The following STAU2 variants were observed in gnomAD, a reference collection of about 807,000 sequenced individuals.
STAU2 encodes double-stranded RNA-binding protein Staufen homolog 2.
A neutral mutation model predicts 65.9 loss-of-function variants in STAU2; 20 were observed. The observed-to-expected ratio is 0.30, with a 90% CI of 0.21 to 0.44. The LOEUF (loss-of-function observed/expected upper bound fraction) is 0.44, where lower values mean the gene tolerates loss of function less well. Ranked by LOEUF, STAU2 falls within the 20% of genes least tolerant of loss-of-function variation. STAU2 has a pLI of 1.00. For synonymous variants in STAU2, 232 were observed against 233.9 expected, an observed-to-expected ratio of 0.99 and a Z score of 0.07; for missense variants, 558 against 683.9, an observed-to-expected ratio of 0.82 and a Z score of 2.05.
At chr8:73,453,389 G>C (rs948486135) in intron 13 of STAU2, among the ~76,000 whole-genome samples, 6 of 152,226 alleles carry the variant, frequency 3.9e-5, no homozygotes, top group Non-Finnish European at 7.3e-5. Context: ...ATTTGAGTAA[G>C]AATGTAAAAG....
intron 12 of STAU2, among the ~76,000 whole-genome samples, chr8:73,559,999 TTTC>T (rs776156616): frequency 1.3e-5 from 2 of 151,654 alleles, no homozygotes; most frequent in African/African-American, 2.4e-5. Flanking sequence ...TTGTTAGAGG[TTTC>T]TTCTTAAGAT....
chr8:73,543,455 T>G (rs1325855368), intron 13 of STAU2, among the ~76,000 whole-genome samples: 1 of 152,234 alleles, frequency 6.6e-6, no homozygotes, highest in Non-Finnish European at 1.5e-5. Flanking sequence ...TGTAGTTATC[T>G]CTGACACAAC....
At chr8:73,667,786 C>T (rs1434086839) in intron 6 of STAU2, among the ~76,000 whole-genome samples, 1 of 152,148 alleles carries the variant, frequency 6.6e-6, no homozygotes, top group Non-Finnish European at 1.5e-5. Flanking sequence ...GATGACCTCA[C>T]GAAAGTCCTT....
chr8:73,481,528 A>AAAAAAAAAACCAAAAAAAACC, intron 13 of STAU2, among the ~76,000 whole-genome samples: 1 of 145,354 alleles, frequency 6.9e-6, no homozygotes, highest in Non-Finnish European at 1.5e-5. Flanking sequence ...AAAAAAAAAA[A>AAAAAAAAAACCAAAAAAAACC]CACTTTTTTT....
chr8:73,676,200 C>T (rs984349738), intron 5 of STAU2, among the ~76,000 whole-genome samples: 1 of 152,150 alleles, frequency 6.6e-6, no homozygotes, highest in African/African-American at 2.4e-5. Context: ...CCCATCTACA[C>T]ACTGTGGAGT....
At chr8:73,577,391 C>T (rs1053564022) in intron 12 of STAU2, among the ~76,000 whole-genome samples, 3 of 149,230 alleles carry the variant, frequency 2.0e-5, no homozygotes, top group African/African-American at 7.4e-5. Flanking sequence ...TGCGCCACTG[C>T]ACTCCAGCCT....
chr8:73,695,686 A>G (rs1235290418), intron 4 of STAU2, among the ~76,000 whole-genome samples: 1 of 152,162 alleles, frequency 6.6e-6, no homozygotes, highest in Admixed American at 6.5e-5. Flanking sequence ...TACGCTGGAC[A>G]GCATTTCCGG....
chr8:73,649,623 A>T (rs1815673689), intron 6 of STAU2, among the ~76,000 whole-genome samples: 1 of 152,010 alleles, frequency 6.6e-6, no homozygotes, highest in Non-Finnish European at 1.5e-5. Flanking sequence ...AATAGGATTA[A>T]CAAACTCAAC....
At chr8:73,715,082 CAAA>C (rs1157510263) in intron 3 of STAU2, among the ~76,000 whole-genome samples, 1 of 83,842 alleles carries the variant, frequency 1.2e-5, no homozygotes, top group Non-Finnish European at 2.7e-5. Flanking sequence ...GACTCCGTCT[CAAA>C]AAAAAAAAAA....
At chr8:73,427,730 C>CCAAT (rs1211913327) in intron 13 of STAU2, among the ~76,000 whole-genome samples, 1 of 152,240 alleles carries the variant, frequency 6.6e-6, no homozygotes, top group Non-Finnish European at 1.5e-5. Context: ...GCTCCAAGGA[C>CCAAT]CAATCCATGC....
At chr8:73,432,917 G>A (rs904536957) in intron 13 of STAU2, among the ~76,000 whole-genome samples, 3 of 152,190 alleles carry the variant, frequency 2.0e-5, no homozygotes, top group Non-Finnish European at 4.4e-5. Context: ...CTAAGATGAA[G>A]AACAGGTGTT....
chr8:73,479,443 CCT>C (rs1434320860), intron 13 of STAU2, among the ~76,000 whole-genome samples: 1 of 148,980 alleles, frequency 6.7e-6, no homozygotes, highest in Non-Finnish European at 1.5e-5. Flanking sequence ...ATTCAAATCC[CCT>C]CTCTCTTCCT....
At chr8:73,452,414 G>A (rs1168394983) in intron 13 of STAU2, among the ~76,000 whole-genome samples, 1 of 152,218 alleles carries the variant, frequency 6.6e-6, no homozygotes, top group African/African-American at 2.4e-5. Context: ...CTCCTTGGCT[G>A]AGACCTTTTG....
At chr8:73,731,608 C>T (rs1271495716) in intron 3 of STAU2, among the ~76,000 whole-genome samples, 1 of 152,078 alleles carries the variant, frequency 6.6e-6, no homozygotes, top group African/African-American at 2.4e-5. Flanking sequence ...TAGATTTTTG[C>T]TACATAACAA....
intron 13 of STAU2, among the ~76,000 whole-genome samples, chr8:73,451,057 C>A (rs1364860388): frequency 6.6e-6 from 1 of 152,196 alleles, no homozygotes; most frequent in African/African-American, 2.4e-5. Flanking sequence ...GTGTGCTGAT[C>A]CACACGCTGC....
At chr8:73,448,899 G>A (rs1039618558) in intron 13 of STAU2, among the ~76,000 whole-genome samples, 3 of 152,256 alleles carry the variant, frequency 2.0e-5, no homozygotes, top group Non-Finnish European at 4.4e-5. Context: ...CTCAGCGCGG[G>A]AATATTCCCA....
Position 73,670,349 on chromosome 8 carries a change from G to A in STAU2, c.410+2758C>T, listed in dbSNP as rs142312867. ...TAGGCCCATTAGCAAGGGGAAGATAGTAGATACACTCTGGAAGCATTACCT... is the reference window on the plus strand; with the variant it reads ...TAGGCCCATTAGCAAGGGGAAGATAATAGATACACTCTGGAAGCATTACCT... On this transcript the variant is annotated intron_variant, in intron 6 of 14. Coordinates refer to ENST00000524300, the MANE Select transcript of STAU2 (RefSeq NM_001164380.2). 2 of 152,044 alleles carry A rather than the reference G, an allele frequency of 1.3e-5. 1 individual carries two copies. The highest frequency in any genetic ancestry group is 3.9e-4 in the East Asian group (2 of 5,178). 9.4% of individuals were successfully genotyped at this position (152,044 alleles called of 1,614,324 possible). A position where few individuals can be genotyped will look rare whatever the true frequency, so the allele number is the denominator to read the frequency against.
intron 13 of STAU2, among the ~76,000 whole-genome samples, chr8:73,529,334 T>C (rs1256100425): frequency 3.9e-5 from 6 of 152,166 alleles, no homozygotes; most frequent in African/African-American, 1.4e-4. Flanking sequence ...ATAGCAACAG[T>C]TCACAACCAT....
chr8:73,637,464 AAAGTGCTGAAAGT>A (rs1175780059), intron 6 of STAU2, among the ~76,000 whole-genome samples: 43 of 129,308 alleles, frequency 3.3e-4, no homozygotes, highest in African/African-American at 1.2e-3. Flanking sequence ...AAGTCTTTAT[AAAGTGCTGAAAGT>A]AAAAAAAAAA....
Sources: allele counts gnomAD v4.1 joint callset (sites outside exome capture counted in the v4.1 genomes callset), GRCh38; gene constraint gnomAD v4.1.1; transcripts MANE v1.5; gene names NCBI Gene and HGNC (gene_info 2026-07-23, HGNC 2026-07-21).